KIRREL3: variants seen among roughly 807,000 people sequenced by gnomAD.
KIRREL3 encodes the protein kin of IRRE-like protein 3.
In KIRREL3, 36 loss-of-function variants were observed where a neutral mutation model predicts 89.7. That is an observed-to-expected ratio of 0.40 (90% confidence interval 0.31 to 0.53). The LOEUF (loss-of-function observed/expected upper bound fraction) is 0.53. KIRREL3 is among the 20% of genes least tolerant of loss of function. The pLI is 0.49. For missense variants in KIRREL3, 864 were observed against 1,056.6 expected (o/e 0.82, Z 2.53); for synonymous variants, 445 against 441.4 (o/e 1.01, Z -0.10).
chr11:126,446,268 C>CTTT lies in KIRREL3; in HGVS notation c.1125+490_1125+491insAAA, dbSNP rs1233939309. On this transcript the variant is annotated intron_variant, in intron 9 of 16. Coordinates refer to ENST00000525144, the MANE Select transcript of KIRREL3 (RefSeq NM_032531.4). The stretch of plus-strand genomic sequence containing the variant: ...TTCTTTCTCTTTCTTTTCTTTCTCT[C>CTTT]TCTTTCTTTTCTTTCTCCTTTCTTT... Among the ~76,000 whole-genome samples the CTTT allele has an allele frequency of 5.7e-4, 53 of 93,400 alleles. 1 individual carries two copies. Among genetic ancestry groups the CTTT allele is most frequent in the Admixed American group, 1.7e-3 (12 of 6,936 alleles). 61.3% of individuals were successfully genotyped at this position (93,400 alleles called of 152,430 possible). A position where few individuals can be genotyped will look rare whatever the true frequency, so the allele number is the denominator to read the frequency against.
At position 126,723,689 on chromosome 11, in the gene KIRREL3, C is replaced by T. The variant is rs911236239; in HGVS notation, c.56-160777G>A. ...TTCTTTTATATTCCTAGTACCTAGACCATGATGACATAATAATAGATGCAG... is the reference window on the plus strand; with the variant it reads ...TTCTTTTATATTCCTAGTACCTAGATCATGATGACATAATAATAGATGCAG... On this transcript the variant is annotated intron_variant, in intron 1 of 16. Coordinates refer to ENST00000525144, the MANE Select transcript of KIRREL3 (RefSeq NM_032531.4). This position sits in a 1 kb window ranked among gnomAD's most constrained non-coding sequence, Gnocchi z 4.0. Among the ~76,000 whole-genome samples the T allele has an allele frequency of 2.6e-5, 4 of 152,032 alleles. No individual in the cohort carries two copies. Among genetic ancestry groups the T allele is most frequent in the Non-Finnish European group, 4.4e-5 (3 of 68,016 alleles).
intron 1 of KIRREL3, among the ~76,000 whole-genome samples, chr11:126,886,936 A>G (rs1056970182): frequency 2.1e-5 from 3 of 140,312 alleles, no homozygotes; most frequent in African/African-American, 8.5e-5. Flanking sequence ...CTCAGGGGAA[A>G]AAGGAAACTT....
chr11:126,698,658 GAGA>G (rs1317986878), intron 1 of KIRREL3, among the ~76,000 whole-genome samples: 4 of 152,388 alleles, frequency 2.6e-5, no homozygotes, highest in African/African-American at 9.6e-5. Context: ...GCAAATGAAA[GAGA>G]AGAAGCCAGC....
chr11:126,902,201 A>T (rs1946401171), intron 1 of KIRREL3, among the ~76,000 whole-genome samples: 1 of 152,192 alleles, frequency 6.6e-6, no homozygotes, highest in African/African-American at 2.4e-5. Flanking sequence ...TAGCTCGTCC[A>T]CCAAAAGGTG....
intron 1 of KIRREL3, among the ~76,000 whole-genome samples, chr11:126,929,971 AT>A (rs1947876367): frequency 6.7e-6 from 1 of 149,476 alleles, no homozygotes. Flanking sequence ...CACCTCACCG[AT>A]TCCCAAGTAC....
chr11:126,899,477 C>T (rs756586847), intron 1 of KIRREL3, among the ~76,000 whole-genome samples: 4 of 152,198 alleles, frequency 2.6e-5, no homozygotes, highest in Non-Finnish European at 5.9e-5. Context: ...ATGCAGAACA[C>T]CGATTAACTT....
Position 126,785,996 on chromosome 11 carries a change from G to A in KIRREL3, c.55+214459C>T, listed in dbSNP as rs901121145. ...AAAAATGTACATGCCCTCTGGTGCA[G>A]TAAGTGATGTCACTTTTGTCAACCT... is the stretch of plus-strand genomic sequence containing the variant. On this transcript the variant is annotated intron_variant, in intron 1 of 16. Transcript: ENST00000525144. 2.7e-5 allele frequency among the ~76,000 whole-genome samples: 4 copies of A among 150,238 alleles called. No homozygotes were observed. In the Admixed American group the frequency reaches 2.7e-4, roughly 10 times the overall value.
At chr11:126,675,739 A>G (rs905190172) in intron 1 of KIRREL3, among the ~76,000 whole-genome samples, 4 of 152,208 alleles carry the variant, frequency 2.6e-5, no homozygotes, top group African/African-American at 4.8e-5. Flanking sequence ...AGGTTTTGTA[A>G]GCCAAGCATA....
chr11:126,500,335 C>T (rs1957814951), intron 4 of KIRREL3, among the ~76,000 whole-genome samples: 1 of 152,108 alleles, frequency 6.6e-6, no homozygotes, highest in Admixed American at 6.5e-5. Context: ...TGCATCTCAG[C>T]TGAGAGACCT....
Position 126,485,486 on chromosome 11 carries a change from A to C in KIRREL3, c.434-12020T>G, listed in dbSNP as rs1418001888. Among the ~76,000 whole-genome samples the C allele has an allele frequency of 6.6e-6, 1 of 152,124 alleles. No individual in the cohort carries two copies. Among genetic ancestry groups the C allele is most frequent in the Non-Finnish European group, 1.5e-5 (1 of 68,024 alleles). The stretch of plus-strand genomic sequence containing the variant: ...TCACTGGCCACGTGACCATGTGCAA[A>C]TTCTCTGTGCTGGATGATGTTAATG... On this transcript the variant is annotated intron_variant, in intron 4 of 16. Coordinates refer to ENST00000525144, the MANE Select transcript of KIRREL3 (RefSeq NM_032531.4). The surrounding 1 kb of genome is among the most constrained non-coding windows in gnomAD (Gnocchi z 5.8).
At chr11:126,756,862 G>T (rs1427595226) in intron 1 of KIRREL3, among the ~76,000 whole-genome samples, 7 of 152,152 alleles carry the variant, frequency 4.6e-5, no homozygotes, top group African/African-American at 1.7e-4. Flanking sequence ...AAAATTGGTG[G>T]TATTGTGGGT....
At chr11:126,975,938 C>CCCTCCCTCCCTCCCTCCCTCCATCCCTT (rs767405296) in intron 1 of KIRREL3, among the ~76,000 whole-genome samples, 1 of 104,300 alleles carries the variant, frequency 9.6e-6, no homozygotes, top group African/African-American at 4.1e-5. Context: ...CTCCCTCCCT[C>CCCTCCCTCCCTCCCTCCCTCCATCCCTT]CCTTCCTTCC....
chr11:126,883,561 G>A lies in KIRREL3; in HGVS notation c.55+116894C>T, dbSNP rs192304307. Among the ~76,000 whole-genome samples the A allele has an allele frequency of 6.6e-6, 1 of 152,162 alleles. No homozygotes were observed. The highest frequency in any genetic ancestry group is 1.9e-4 in the East Asian group (1 of 5,168). On this transcript the variant is annotated intron_variant, in intron 1 of 16. Transcript: ENST00000525144. This position sits in a 1 kb window ranked among gnomAD's most constrained non-coding sequence, Gnocchi z 4.1. ...AAAATCCAAACCTTTGATGAAGTTT[G>A]GGTAAAGTCACTTTCTGCAGTGGAG...
rs1471729712 is a variant in KIRREL3 at position 126,989,651 on chromosome 11, G to C, written c.55+10804C>G. On this transcript the variant is annotated intron_variant, in intron 1 of 16. Transcript: ENST00000525144. This position sits in a 1 kb window ranked among gnomAD's most constrained non-coding sequence, Gnocchi z 6.2. ...AGACACATCTCGTCACAATTATCAA[G>C]TGGCAAAAAAGGTGAGCCGCCATCC... Among the ~76,000 whole-genome samples the C allele has an allele frequency of 6.6e-6, 1 of 152,136 alleles. No individual in the cohort carries two copies. Among genetic ancestry groups the C allele is most frequent in the Non-Finnish European group, 1.5e-5 (1 of 68,024 alleles).
At chr11:126,798,292 T>C (rs1017020459) in intron 1 of KIRREL3, among the ~76,000 whole-genome samples, 2 of 152,156 alleles carry the variant, frequency 1.3e-5, no homozygotes, top group African/African-American at 4.8e-5. Flanking sequence ...GATTTCTCCC[T>C]TGCCAGGACC....
At position 126,645,165 on chromosome 11, in the gene KIRREL3, G is replaced by C. The variant is rs1944618530; in HGVS notation, c.56-82253C>G. 6.6e-6 allele frequency among the ~76,000 whole-genome samples: 1 copy of C among 152,198 alleles called. No individual in the cohort carries two copies. Among genetic ancestry groups the C allele is most frequent in the African/African-American group, 2.4e-5 (1 of 41,440 alleles). ...GTTATGAAGGAAAAAGCTGGAGGAA[G>C]ATAGAGTGGGACCAGAAAGTGAAGG... On this transcript the variant is annotated intron_variant, in intron 1 of 16. Transcript: ENST00000525144. This position sits in a 1 kb window ranked among gnomAD's most constrained non-coding sequence, Gnocchi z 4.9.
rs1278444334 is a variant in KIRREL3, at chr11:126,459,023, C to T, written c.743-2569G>A. The stretch of plus-strand genomic sequence containing the variant: ...ACTCAGGGAGGAGCCTGCATCTCGC[C>T]GTGGGTTGGAGAAGTGGAGGTGGGG... On this transcript the variant is annotated intron_variant, in intron 6 of 16. Transcript: ENST00000525144. This position sits in a 1 kb window ranked among gnomAD's most constrained non-coding sequence, Gnocchi z 4.8. 3.3e-5 allele frequency among the ~76,000 whole-genome samples: 5 copies of T among 152,156 alleles called. No homozygotes were observed. Among genetic ancestry groups the T allele is most frequent in the South Asian group, 2.1e-4 (1 of 4,832 alleles).
intron 1 of KIRREL3, among the ~76,000 whole-genome samples, chr11:126,711,629 G>C (rs1256525772): frequency 1.3e-5 from 2 of 152,170 alleles, no homozygotes; most frequent in Non-Finnish European, 2.9e-5. Flanking sequence ...AGCATAATTA[G>C]TATCATGTTA....
At chr11:126,730,008 C>A (rs141652338) in intron 1 of KIRREL3, among the ~76,000 whole-genome samples, 187 of 152,314 alleles carry the variant, frequency 1.2e-3, no homozygotes, top group Non-Finnish European at 1.9e-3. Flanking sequence ...TTCTGGGACA[C>A]CCTCCTCCGG....
Sources: allele counts gnomAD v4.1 joint callset (sites outside exome capture counted in the v4.1 genomes callset), GRCh38; gene constraint gnomAD v4.1.1; non-coding constraint Gnocchi (gnomAD v3.1); transcripts MANE v1.5; gene names NCBI Gene and HGNC (gene_info 2026-07-23, HGNC 2026-07-21).